The following GRIN2B variants were observed in gnomAD, a reference collection of about 807,000 sequenced individuals.
GRIN2B encodes glutamate ionotropic receptor NMDA type subunit 2B.
In GRIN2B, 5 loss-of-function variants were observed where a neutral mutation model predicts 114.5. The ratio of observed to expected loss-of-function variants is 0.04; its 90% CI spans 0.02 to 0.09. The LOEUF (loss-of-function observed/expected upper bound fraction) is 0.09. Ranked by LOEUF, GRIN2B falls within the 10% of genes least tolerant of loss-of-function variation. The pLI, the probability that GRIN2B is intolerant of heterozygous loss-of-function variation, is 1.00. For synonymous variants in GRIN2B, 787 were observed against 745.1 expected (o/e 1.06, Z -0.92); for missense variants, 1,108 against 1,943.5 (o/e 0.57, Z 8.08).
Position 13,665,167 on chromosome 12 carries a change from TTGTGTGTG to T in GRIN2B, c.1125+10570_1125+10577del, listed in dbSNP as rs3081936. Among the ~76,000 whole-genome samples the T allele has an allele frequency of 1.1e-3, 160 of 149,794 alleles. 1 individual carries two copies. The highest frequency in any genetic ancestry group is 3.5e-3 in the Middle Eastern group (1 of 288). On this transcript the variant is annotated intron_variant, in intron 5 of 13. Transcript: ENST00000609686. ...TGTGTTTGTGTGTGTGTGTGTGTGT[TTGTGTGTG>T]TGTGTGTGTGTGTGTGATAACAGGA...
At position 13,615,316 on chromosome 12, in the gene GRIN2B, G is replaced by A. The variant is rs959203923; in HGVS notation, c.1501-49C>T. 1 of 1,588,510 alleles carries A rather than the reference G, an allele frequency of 6.3e-7. No individual in the cohort carries two copies. Among genetic ancestry groups the A allele is most frequent in the African/African-American group, 1.3e-5 (1 of 74,592 alleles). On this transcript the variant is annotated intron_variant, in intron 7 of 13. Transcript: ENST00000609686. This position sits in a 1 kb window ranked among gnomAD's most constrained non-coding sequence, Gnocchi z 5.8. ...AATTAAAACATTCAGGAGGGCAAGG[G>A]ACCACCACAAGGAAAATACAGCCTA...
chr12:13,874,053 G>A (rs146200424), intron 2 of GRIN2B, among the ~76,000 whole-genome samples: 502 of 152,272 alleles, frequency 3.3e-3, no homozygotes, highest in African/African-American at 0.011. Context: ...AGGTAAGGAC[G>A]CCCATCCTAA....
chr12:13,615,912 A>C lies in GRIN2B; in HGVS notation c.1329-248T>G, dbSNP rs1949433474. 1.3e-5 allele frequency among the ~76,000 whole-genome samples: 2 copies of C among 152,110 alleles called. No individual in the cohort carries two copies. Among genetic ancestry groups the C allele is most frequent in the Non-Finnish European group, 1.5e-5 (1 of 68,012 alleles). Reference sequence around the variant, plus strand: ...TTCTCCTTTGAAGTACAAAATACATAAGAAAAGGGTGCATATTTGAAGGCT... The same window carrying C: ...TTCTCCTTTGAAGTACAAAATACATCAGAAAAGGGTGCATATTTGAAGGCT... On this transcript the variant is annotated intron_variant, in intron 6 of 13. Transcript: ENST00000609686. This position sits in a 1 kb window ranked among gnomAD's most constrained non-coding sequence, Gnocchi z 5.8.
At chr12:13,841,873 T>C (rs1865384433) in intron 3 of GRIN2B, among the ~76,000 whole-genome samples, 1 of 152,142 alleles carries the variant, frequency 6.6e-6, no homozygotes, top group Non-Finnish European at 1.5e-5. Flanking sequence ...CTTTGTTTTT[T>C]TAAAAAAAAT....
chr12:13,620,885 T>G (rs1400568889), intron 5 of GRIN2B, among the ~76,000 whole-genome samples: 1 of 151,106 alleles, frequency 6.6e-6, no homozygotes, highest in Non-Finnish European at 1.5e-5. Flanking sequence ...TTTCGTTTCT[T>G]CAAGGAAATG....
intron 2 of GRIN2B, among the ~76,000 whole-genome samples, chr12:13,975,842 G>A (rs958523736): frequency 2.0e-4 from 30 of 152,210 alleles, no homozygotes; most frequent in Non-Finnish European, 3.2e-4. Flanking sequence ...AGACCAGAAA[G>A]GAAGGCAATT....
chr12:13,810,626 C>A lies in GRIN2B; in HGVS notation c.411+55172G>T, dbSNP rs535794869. Among the ~76,000 whole-genome samples the A allele has an allele frequency of 3.3e-5, 5 of 152,232 alleles. No homozygotes were observed. The South Asian group carries it at 1.0e-3, about 32-fold the overall frequency. On this transcript the variant is annotated intron_variant, in intron 3 of 13. Coordinates refer to ENST00000609686, the MANE Select transcript of GRIN2B (RefSeq NM_000834.5). ...ACAGGGCCCTGAGAAATGGAATAAT[C>A]CCATTACTAGTGAATGAACAATCAG...
At position 13,546,560 on chromosome 12, in the gene GRIN2B, G is replaced by C. The variant is rs1300075484; in HGVS notation, c.*16223C>G. 2 of 151,940 alleles carry C rather than the reference G, an allele frequency of 1.3e-5. No homozygotes were observed. The highest frequency in any genetic ancestry group is 2.9e-5 in the Non-Finnish European group (2 of 67,986). The allele number at this position is 151,940 out of a possible 1,614,324, so 9.4% of individuals were successfully genotyped here. On this transcript the variant is annotated 3_prime_UTR_variant, in exon 14 of 14. Coordinates refer to ENST00000609686, the MANE Select transcript of GRIN2B (RefSeq NM_000834.5). ...TCTAGATTATTTTTTTTTCAACTCA[G>C]TGAAGAACATTTCTCAGAACCAAGC...
At chr12:13,840,921 A>T (rs1865367345) in intron 3 of GRIN2B, among the ~76,000 whole-genome samples, 1 of 152,250 alleles carries the variant, frequency 6.6e-6, no homozygotes, top group Admixed American at 6.5e-5. Context: ...GGCAGAAACA[A>T]GAAGTAAAGA....
At chr12:13,890,338 G>A (rs1866237746) in intron 2 of GRIN2B, among the ~76,000 whole-genome samples, 1 of 152,188 alleles carries the variant, frequency 6.6e-6, no homozygotes. Flanking sequence ...AACTACATCA[G>A]GGATTCCTCA....
At chr12:13,573,295 C>A (rs537291024) in intron 10 of GRIN2B, among the ~76,000 whole-genome samples, 2 of 148,968 alleles carry the variant, frequency 1.3e-5, no homozygotes, top group African/African-American at 5.0e-5. Context: ...ACTAAAAATA[C>A]AAAAAACTAG....
chr12:13,675,998 T>A (rs535517743), intron 4 of GRIN2B, 139 bp from the exon 5 acceptor site: 4 of 664,556 alleles, frequency 6.0e-6, no homozygotes, highest in Non-Finnish European at 1.1e-5. Flanking sequence ...AATTTGGTAC[T>A]TCTTGAACTC....
At chr12:13,589,202 T>G (rs1050702414) in intron 10 of GRIN2B, among the ~76,000 whole-genome samples, 3 of 152,242 alleles carry the variant, frequency 2.0e-5, no homozygotes, top group African/African-American at 7.2e-5. Flanking sequence ...TGTTGTTATA[T>G]ACTAGGTATT....
At chr12:13,635,063 T>G (rs973952640) in intron 5 of GRIN2B, among the ~76,000 whole-genome samples, 1 of 152,210 alleles carries the variant, frequency 6.6e-6, no homozygotes, top group Admixed American at 6.5e-5. Context: ...GGAAATCACT[T>G]TCGTGCTGGC....
intron 4 of GRIN2B, among the ~76,000 whole-genome samples, chr12:13,697,892 A>G (rs575748835): frequency 6.6e-6 from 1 of 152,310 alleles, no homozygotes; most frequent in East Asian, 1.9e-4. Flanking sequence ...ATTTTGCTCA[A>G]TCCAACATGT....
In GRIN2B at chr12:13,740,493, T is replaced by C. The variant is rs7956641; in HGVS notation, c.1010+12824A>G. ...TTCTTTCATTTCTAATAGCATTTTC[T>C]TTTTTTTTTTTTTTAACTTTTCTCC... On this transcript the variant is annotated intron_variant, in intron 4 of 13. Coordinates refer to ENST00000609686, the MANE Select transcript of GRIN2B (RefSeq NM_000834.5). 6.0e-3 allele frequency among the ~76,000 whole-genome samples: 587 copies of C among 98,654 alleles called. 4 individuals are homozygous for C. Among genetic ancestry groups the C allele is most frequent in the African/African-American group, 0.03 (565 of 18,890 alleles). The allele number at this position is 98,654 out of a possible 152,430, so 64.7% of individuals were successfully genotyped here.
At chr12:13,808,789 T>C (rs373169268) in intron 3 of GRIN2B, among the ~76,000 whole-genome samples, 2 of 147,934 alleles carry the variant, frequency 1.4e-5, no homozygotes, top group African/African-American at 5.0e-5. Context: ...AATAAAAGAA[T>C]GACTGAGGGG....
chr12:13,744,145 T>C (rs1349614662), intron 4 of GRIN2B, among the ~76,000 whole-genome samples: 1 of 152,224 alleles, frequency 6.6e-6, no homozygotes, highest in East Asian at 1.9e-4. Flanking sequence ...CGTCAAGACT[T>C]TAACAATGGA....
chr12:13,968,965 G>T (rs561872558), intron 2 of GRIN2B, among the ~76,000 whole-genome samples: 1 of 152,232 alleles, frequency 6.6e-6, no homozygotes, highest in African/African-American at 2.4e-5. Context: ...TCAGAGAGAA[G>T]TAGATTGTTC....
Sources: allele counts gnomAD v4.1 joint callset (sites outside exome capture counted in the v4.1 genomes callset), GRCh38; gene constraint gnomAD v4.1.1; non-coding constraint Gnocchi (gnomAD v3.1); transcripts MANE v1.5; gene names NCBI Gene and HGNC (gene_info 2026-07-23, HGNC 2026-07-21).